WDR70: variants seen among roughly 807,000 people sequenced by gnomAD.
The protein encoded by WDR70 is WD repeat-containing protein 70.
In WDR70, 53 loss-of-function variants were observed where a neutral mutation model predicts 88.6. That is an observed-to-expected ratio of 0.60 (90% CI 0.48 to 0.75). The LOEUF is 0.75. WDR70 is among the 30% of genes least tolerant of loss of function. The probability of loss-of-function intolerance (pLI) is 0.00; values close to 1 mark genes in which losing one functional copy is unlikely to be tolerated. For synonymous variants in WDR70, 280 were observed against 270.0 expected (o/e 1.04, Z -0.36); for missense variants, 610 against 823.2 (o/e 0.74, Z 3.17).
intron 10 of WDR70, among the ~76,000 whole-genome samples, chr5:37,658,427 T>G (rs902475382): frequency 2.6e-5 from 4 of 152,192 alleles, no homozygotes; most frequent in Non-Finnish European, 4.4e-5. Flanking sequence ...GGTTGTCTTT[T>G]CTAAACATAG....
intron 10 of WDR70, among the ~76,000 whole-genome samples, chr5:37,639,538 T>C (rs1378943339): frequency 6.6e-6 from 1 of 152,216 alleles, no homozygotes; most frequent in Non-Finnish European, 1.5e-5. Context: ...GTTGTTGTTG[T>C]TGTTGTTTTG....
chr5:37,575,235 C>T (rs1005057306), intron 9 of WDR70, among the ~76,000 whole-genome samples: 2 of 152,116 alleles, frequency 1.3e-5, no homozygotes, highest in African/African-American at 2.4e-5. Flanking sequence ...TAAAAAAATA[C>T]GTATTTGGTC....
At chr5:37,749,874 A>G (rs576988612) in intron 17 of WDR70, among the ~76,000 whole-genome samples, 1 of 151,838 alleles carries the variant, frequency 6.6e-6, no homozygotes, top group East Asian at 1.9e-4. Context: ...AAAAACAAAT[A>G]TTTGTCCTTT....
chr5:37,415,494 TGGG>T (rs1387113662), intron 5 of WDR70, among the ~76,000 whole-genome samples: 5 of 60,924 alleles, frequency 8.2e-5, no homozygotes, highest in African/African-American at 3.7e-4. Flanking sequence ...AAGGGGCGGC[TGGG>T]GGTGGGGGGG....
intron 10 of WDR70, among the ~76,000 whole-genome samples, chr5:37,680,699 A>G (rs1746401124): frequency 6.6e-6 from 1 of 152,194 alleles, no homozygotes; most frequent in Admixed American, 6.5e-5. Flanking sequence ...GTTGAAGATC[A>G]GATGGTTGTA....
intron 10 of WDR70, among the ~76,000 whole-genome samples, chr5:37,673,420 T>G (rs923968762): frequency 6.6e-6 from 1 of 152,136 alleles, no homozygotes; most frequent in Admixed American, 6.5e-5. Context: ...ATATACCCAG[T>G]AATGGGATTG....
At chr5:37,632,961 T>A (rs961407675) in intron 10 of WDR70, among the ~76,000 whole-genome samples, 2 of 152,174 alleles carry the variant, frequency 1.3e-5, no homozygotes, top group African/African-American at 4.8e-5. Flanking sequence ...TTACTATACC[T>A]TTTCTGTGTG....
At chr5:37,679,992 G>A (rs1005176895) in intron 10 of WDR70, among the ~76,000 whole-genome samples, 31 of 151,964 alleles carry the variant, frequency 2.0e-4, no homozygotes, top group African/African-American at 6.8e-4. Flanking sequence ...CTCACACTGC[G>A]ACTAATTTCC....
intron 7 of WDR70, among the ~76,000 whole-genome samples, chr5:37,465,814 G>C (rs1739135578): frequency 7.6e-6 from 1 of 131,908 alleles, no homozygotes; most frequent in South Asian, 2.4e-4. Context: ...TTTTTTTTTT[G>C]CAAGAAACTG....
intron 9 of WDR70, among the ~76,000 whole-genome samples, chr5:37,587,340 T>C (rs1743390431): frequency 6.6e-6 from 1 of 150,874 alleles, no homozygotes; most frequent in South Asian, 2.1e-4. Flanking sequence ...CAAAGCAAAC[T>C]ACTTTTTTTT....
chr5:37,525,245 C>G (rs1188406917), intron 9 of WDR70, among the ~76,000 whole-genome samples: 1 of 152,166 alleles, frequency 6.6e-6, no homozygotes, highest in East Asian at 1.9e-4. Flanking sequence ...CAGTCCTCAG[C>G]AAATGTAAAA....
At position 37,688,087 on chromosome 5, in the gene WDR70, C is replaced by T. The variant is rs930758216; in HGVS notation, c.1093-9568C>T. The T allele has an allele frequency of 8.0e-5, 37 of 465,172 alleles. No individual in the cohort carries two copies. In the East Asian group the frequency reaches 9.2e-4, roughly 12 times the overall value. 28.8% of individuals were successfully genotyped at this position (465,172 alleles called of 1,614,324 possible). On this transcript the variant is annotated intron_variant, in intron 10 of 17. Transcript: ENST00000265107. ...TGTGTTTACTTATATTTTCAAATAT[C>T]GACATTCAAGATTTTATCTTATTAA... is the stretch of plus-strand genomic sequence containing the variant.
At chr5:37,729,155 C>G (rs897256163) in intron 17 of WDR70, among the ~76,000 whole-genome samples, 1 of 152,114 alleles carries the variant, frequency 6.6e-6, no homozygotes, top group Non-Finnish European at 1.5e-5. Context: ...TTTCTGGCAC[C>G]ACAAGATGTT....
chr5:37,418,159 C>T (rs1749819990), intron 5 of WDR70, among the ~76,000 whole-genome samples: 1 of 152,112 alleles, frequency 6.6e-6, no homozygotes, highest in African/African-American at 2.4e-5. Context: ...TGGATTCTAA[C>T]ATTTACTATA....
At chr5:37,677,316 A>G (rs1411048196) in intron 10 of WDR70, among the ~76,000 whole-genome samples, 3 of 151,710 alleles carry the variant, frequency 2.0e-5, no homozygotes, top group Non-Finnish European at 4.4e-5. Flanking sequence ...AGTTCTTTTA[A>G]TTGTGACATT....
chr5:37,484,917 C>G (rs1449164656), intron 8 of WDR70, among the ~76,000 whole-genome samples: 1 of 152,156 alleles, frequency 6.6e-6, no homozygotes, highest in Non-Finnish European at 1.5e-5. Flanking sequence ...CTATCATGTC[C>G]ACTAACATTC....
At chr5:37,479,773 G>T in intron 7 of WDR70, 61 bp from the exon 8 acceptor site, 1 of 1,506,098 alleles carries the variant, frequency 6.6e-7, no homozygotes, top group Non-Finnish European at 9.0e-7. Context: ...AATACTTAAT[G>T]TAGTAAAATT....
intron 5 of WDR70, among the ~76,000 whole-genome samples, chr5:37,425,543 T>G (rs1750098535): frequency 1.3e-5 from 2 of 152,140 alleles, no homozygotes; most frequent in Non-Finnish European, 2.9e-5. Flanking sequence ...AAAAAAGCTC[T>G]TAGGTGAGTA....
intron 9 of WDR70, among the ~76,000 whole-genome samples, chr5:37,559,809 C>T (rs1200960512): frequency 1.3e-5 from 2 of 150,562 alleles, no homozygotes; most frequent in Non-Finnish European, 2.9e-5. Flanking sequence ...CACGCCGTTG[C>T]ACTCCAGCCT....
Sources: gnomAD v4.1 joint callset for allele counts (sites outside exome capture counted in the v4.1 genomes callset) on GRCh38, gnomAD v4.1.1 for gene constraint, MANE v1.5 for transcripts, NCBI Gene and HGNC (gene_info 2026-07-23, HGNC 2026-07-21) for gene names.